The following CTNNA1 variants were observed in gnomAD, a reference collection of about 807,000 sequenced individuals.
CTNNA1 encodes catenin alpha 1, also known as catenin alpha-1.
In CTNNA1, 37 loss-of-function variants were observed where a neutral mutation model predicts 98.4. The ratio of observed to expected loss-of-function variants is 0.38; its 90% CI spans 0.29 to 0.49. The LOEUF is 0.49. Among genes scored for constraint, CTNNA1 ranks in the 20% least tolerant of loss-of-function variants. The pLI, the probability that CTNNA1 is intolerant of heterozygous loss-of-function variation, is 0.95. For missense variants in CTNNA1, 761 were observed against 1,147.2 expected, an observed-to-expected ratio of 0.66 and a Z score of 4.86; for synonymous variants, 404 against 413.2, an observed-to-expected ratio of 0.98 and a Z score of 0.27.
chr5:138,792,461 C>T (rs912171144), intron 3 of CTNNA1, among the ~76,000 whole-genome samples: 1 of 152,156 alleles, frequency 6.6e-6, no homozygotes, highest in Non-Finnish European at 1.5e-5. Context: ...TGTTAAAAGA[C>T]AGCTGTGATT....
intron 10 of CTNNA1, among the ~76,000 whole-genome samples, chr5:138,916,198 G>T (rs1484967963): frequency 4.1e-5 from 4 of 98,334 alleles, no homozygotes; most frequent in Admixed American, 2.6e-4. Flanking sequence ...AAAAGAAGGG[G>T]CTAAGGAGAG....
intron 1 of CTNNA1, among the ~76,000 whole-genome samples, chr5:138,766,838 C>G (rs1361449833): frequency 6.6e-6 from 1 of 152,148 alleles, no homozygotes; most frequent in Non-Finnish European, 1.5e-5. Context: ...TGTCTCGTCA[C>G]TTCCCACCTT....
intron 7 of CTNNA1, among the ~76,000 whole-genome samples, chr5:138,860,247 G>C (rs1167368468): frequency 2.6e-5 from 4 of 152,152 alleles, no homozygotes; most frequent in Admixed American, 1.3e-4. Flanking sequence ...GATTTGGTGG[G>C]AGTGTCAGCT....
In CTNNA1 at chr5:138,917,904, G is replaced by A. The variant is rs1762141650; in HGVS notation, c.1546+6G>A. On this transcript the variant is annotated splice_donor_region_variant and intron_variant, in intron 11 of 17. Coordinates refer to ENST00000302763, the MANE Select transcript of CTNNA1 (RefSeq NM_001903.5). ...TGACTTCTTGGCTGTCTCAGGTAAT[G>A]AGCTGGTTCCCCAGAGAAGTATGTG... The A allele has an allele frequency of 2.5e-6, 4 of 1,613,294 alleles. No individual in the cohort carries two copies. In the South Asian group the frequency reaches 3.3e-5, roughly 13 times the overall value.
At chr5:138,791,445 C>T (rs764334094) in intron 3 of CTNNA1, among the ~76,000 whole-genome samples, 21 of 151,582 alleles carry the variant, frequency 1.4e-4, no homozygotes, top group Admixed American at 2.0e-4. Context: ...GGTGAAACCC[C>T]GTCTCTACTA....
intron 6 of CTNNA1, 34 bp from the exon 7 acceptor site, chr5:138,827,466 AGAAGGGAACAGAGAT>A (rs1224459110): frequency 6.3e-7 from 1 of 1,589,206 alleles, no homozygotes; most frequent in East Asian, 2.2e-5. Context: ...CCTTGAATAA[AGAAGGGAACAGAGAT>A]GAGTACTAAC....
At chr5:138,753,536 GGC>G in intron 1 of CTNNA1, 26 bp downstream of exon 1, 1 of 376,100 alleles carries the variant, frequency 2.7e-6, no homozygotes, top group Non-Finnish European at 4.7e-6. Flanking sequence ...CCTCCTCGCG[GGC>G]GCGGTCTCTC....
chr5:138,858,268 G>A (rs1472245459), intron 7 of CTNNA1, among the ~76,000 whole-genome samples: 3 of 151,782 alleles, frequency 2.0e-5, no homozygotes, highest in Admixed American at 6.6e-5. Context: ...CTAGCAGCAC[G>A]GGTATGCACC....
At position 138,874,814 on chromosome 5, in the gene CTNNA1, T is replaced by C. The variant is rs28363437; in HGVS notation, c.1063-11398T>C. Reference sequence around the variant, plus strand: ...CTAAACCTCAAAATCCAAAATATGATGGTGATTTCCCTCATAAAATGTGAA... The same window carrying C: ...CTAAACCTCAAAATCCAAAATATGACGGTGATTTCCCTCATAAAATGTGAA... On this transcript the variant is annotated intron_variant, in intron 7 of 17. Coordinates refer to ENST00000302763, the MANE Select transcript of CTNNA1 (RefSeq NM_001903.5). This position sits in a 1 kb window ranked among gnomAD's most constrained non-coding sequence, Gnocchi z 4.1. 2.4e-3 allele frequency: 3,000 copies of C among 1,224,762 alleles called. 51 individuals carry two copies. In the African/African-American group the frequency reaches 0.041, roughly 17 times the overall value. 75.9% of individuals were successfully genotyped at this position (1,224,762 alleles called of 1,614,324 possible). A position where few individuals can be genotyped will look rare whatever the true frequency, so the allele number is the denominator to read the frequency against.
intron 3 of CTNNA1, among the ~76,000 whole-genome samples, chr5:138,807,794 C>T (rs1758252102): frequency 6.6e-6 from 1 of 152,106 alleles, no homozygotes; most frequent in Admixed American, 6.5e-5. Context: ...GTTGCTCAGG[C>T]TGGAGTGCAG....
rs184271065 is a variant in CTNNA1 at position 138,934,563 on chromosome 5, G to T, written c.*474G>T. The stretch of plus-strand genomic sequence containing the variant: ...CCTGGAGAAGGCATGTTCCCAGAAA[G>T]GTCTCTGGAGGGACAAACTCACTCA... On this transcript the variant is annotated 3_prime_UTR_variant, in exon 18 of 18. Coordinates refer to ENST00000302763, the MANE Select transcript of CTNNA1 (RefSeq NM_001903.5). 1.8e-3 allele frequency: 286 copies of T among 157,230 alleles called. No homozygotes were observed. Among genetic ancestry groups the T allele is most frequent in the South Asian group, 3.1e-3 (16 of 5,102 alleles). The allele number at this position is 157,230 out of a possible 1,614,324, so 9.7% of individuals were successfully genotyped here.
intron 1 of CTNNA1, among the ~76,000 whole-genome samples, chr5:138,777,868 C>T (rs1754536111): frequency 9.0e-6 from 1 of 110,680 alleles, no homozygotes; most frequent in South Asian, 3.2e-4. Flanking sequence ...GAGAGGGAGA[C>T]CGTGGGGAGA....
At chr5:138,809,130 G>A (rs536896514) in intron 3 of CTNNA1, among the ~76,000 whole-genome samples, 2 of 152,270 alleles carry the variant, frequency 1.3e-5, no homozygotes, top group East Asian at 3.9e-4. Context: ...GATTGCTGGT[G>A]TAAGCCACCA....
At position 138,849,980 on chromosome 5, in the gene CTNNA1, A is replaced by T. The variant is rs1224285221; in HGVS notation, c.1062+22262A>T. 5.3e-5 allele frequency among the ~76,000 whole-genome samples: 8 copies of T among 151,358 alleles called. No homozygotes were observed. The East Asian group carries it at 5.8e-4, about 11-fold the overall frequency. ...TATCTTCCAGAAATATTTTTTGTAG[A>T]TACAATAAAACACACACACACACAC... On this transcript the variant is annotated intron_variant, in intron 7 of 17. Transcript: ENST00000302763.
intron 1 of CTNNA1, among the ~76,000 whole-genome samples, chr5:138,776,079 G>A (rs1165497759): frequency 6.9e-6 from 1 of 143,910 alleles, no homozygotes; most frequent in Non-Finnish European, 1.5e-5. Flanking sequence ...TCATTCTTGG[G>A]TGTTTCTCAC....
Position 138,924,726 on chromosome 5 carries a change from C to T in CTNNA1, c.1747+16C>T. On this transcript the variant is annotated intron_variant, in intron 12 of 17. Transcript: ENST00000302763. ...TCCAACACAGGTACGGGAACTCTCC[C>T]TTTCCAGTGCTCGCACACACCGCAG... 1 of 1,552,062 alleles carries T rather than the reference C, an allele frequency of 6.4e-7. No individual in the cohort carries two copies. The highest frequency in any genetic ancestry group is 2.4e-5 in the East Asian group (1 of 41,180).
In CTNNA1 at chr5:138,934,713, C is replaced by T. The variant is rs543963612; in HGVS notation, c.*624C>T. ...TTAATAAAGTTGCTTTTTTAGGCTA[C>T]AGTGTCTCGATGCCATAATCAGAAC... On this transcript the variant is annotated 3_prime_UTR_variant, in exon 18 of 18. Transcript: ENST00000302763. 3.3e-5 allele frequency: 5 copies of T among 152,880 alleles called. No homozygotes were observed. The highest frequency in any genetic ancestry group is 7.2e-5 in the African/African-American group (3 of 41,578). The allele number at this position is 152,880 out of a possible 1,614,324, so 9.5% of individuals were successfully genotyped here.
At chr5:138,866,474 G>C (rs1408215384) in intron 7 of CTNNA1, among the ~76,000 whole-genome samples, 1 of 151,990 alleles carries the variant, frequency 6.6e-6, no homozygotes, top group Non-Finnish European at 1.5e-5. Context: ...CTATAAAAAG[G>C]CTTTGGCAAT....
intron 6 of CTNNA1, among the ~76,000 whole-genome samples, chr5:138,826,291 A>T (rs767725116): frequency 6.6e-6 from 1 of 152,224 alleles, no homozygotes; most frequent in Non-Finnish European, 1.5e-5. Flanking sequence ...TGGTAGAAAA[A>T]ATTTGGCATT....
Sources: allele counts gnomAD v4.1 joint callset (sites outside exome capture counted in the v4.1 genomes callset), GRCh38; gene constraint gnomAD v4.1.1; non-coding constraint Gnocchi (gnomAD v3.1); transcripts MANE v1.5; gene names NCBI Gene and HGNC (gene_info 2026-07-23, HGNC 2026-07-21).